ATP7A: variants seen among roughly 807,000 people sequenced by gnomAD.
ATP7A encodes the protein ATPase copper transporting alpha, also known as copper-transporting ATPase 1.
ATP7A carries 7 observed loss-of-function variants against 83.5 expected under a neutral mutation model. That is an observed-to-expected ratio of 0.08 (90% CI 0.05 to 0.16). The LOEUF (loss-of-function observed/expected upper bound fraction) is 0.16. Ranked by LOEUF, ATP7A falls within the 10% of genes least tolerant of loss-of-function variation. The pLI, the probability that ATP7A is intolerant of heterozygous loss-of-function variation, is 1.00. For synonymous variants in ATP7A, 354 were observed against 395.2 expected (o/e 0.90, Z 1.24); for missense variants, 940 against 1,120.8 (o/e 0.84, Z 2.30).
At chrX:77,980,053 T>A (rs782617068) in intron 2 of ATP7A, among the ~76,000 whole-genome samples, 10 of 112,154 alleles carry the variant, frequency 8.9e-5, no homozygotes, top group Non-Finnish European at 1.9e-4. Flanking sequence ...AAAAACAAAT[T>A]TAATTAGATA....
chrX:77,956,784 T>TTTCTTTCTTTCTTTCG (rs1569549170), intron 1 of ATP7A, among the ~76,000 whole-genome samples: 9 of 102,150 alleles, frequency 8.8e-5, no homozygotes, highest in African/African-American at 3.2e-4. Context: ...TCTTTCTTTC[T>TTTCTTTCTTTCTTTCG]TTCTCTTTCT....
Position 78,011,538 on chromosome X carries a change from C to T in ATP7A, c.2036C>T (p.Ala679Val). The T allele has an allele frequency of 8.3e-7, 1 of 1,210,446 alleles. No individual in the cohort carries two copies. Among genetic ancestry groups the T allele is most frequent in the South Asian group, 1.8e-5 (1 of 56,947 alleles). ...IYMMVMDHHFATLHHNQNMSK... is the reference protein window; with the variant it reads ...IYMMVMDHHFVTLHHNQNMSK... ...ATGATGGTTATGGACCACCACTTTGCAACTCTTCACCATAATCAAAACATG... is the reference window on the plus strand; with the variant it reads ...ATGATGGTTATGGACCACCACTTTGTAACTCTTCACCATAATCAAAACATG... The change falls in exon 9 of 23, where the codon GCA becomes GTA. Residue 679 changes from alanine (A) to valine (V), a missense_variant. By Grantham distance (64) the Ala-to-Val change is moderately conservative (BLOSUM62 0). Around this residue, in one of 3 missense-constraint regions of ATP7A, gnomAD observed 204 missense variants for 185.8 expected, o/e 1.10. Coordinates refer to ENST00000341514, the MANE Select transcript of ATP7A (RefSeq NM_000052.7).
intron 9 of ATP7A, among the ~76,000 whole-genome samples, chrX:78,012,573 A>C (rs1343237318): frequency 9.8e-6 from 1 of 102,021 alleles, no homozygotes; most frequent in Non-Finnish European, 2.0e-5. Context: ...CCTGGGCAAC[A>C]TATCAAGACT....
At chrX:78,020,860 A>C (rs1207048281) in intron 13 of ATP7A, 85 bp from the exon 14 acceptor site, 1 of 994,384 alleles carries the variant, frequency 1.0e-6, no homozygotes, top group Admixed American at 2.3e-5. Flanking sequence ...ATTTGTGCTA[A>C]CTACTAAATA....
chrX:78,044,997 G>GA (rs2078074904), intron 21 of ATP7A, among the ~76,000 whole-genome samples: 1 of 112,102 alleles, frequency 8.9e-6, no homozygotes, highest in Non-Finnish European at 1.9e-5. Flanking sequence ...GATCACCATA[G>GA]AAAAAGTAGA....
intron 2 of ATP7A, among the ~76,000 whole-genome samples, chrX:77,985,917 C>G (rs2062750759): frequency 9.0e-6 from 1 of 111,094 alleles, no homozygotes; most frequent in Non-Finnish European, 1.9e-5. Flanking sequence ...TTTTCTTAAC[C>G]CTAAAATCAC....
intron 16 of ATP7A, among the ~76,000 whole-genome samples, chrX:78,033,372 C>T (rs1557237380): frequency 8.9e-6 from 1 of 112,964 alleles, no homozygotes; most frequent in Non-Finnish European, 1.9e-5. Context: ...GCTGGGATTA[C>T]AGGCATGAGC....
chrX:77,992,815 T>C (rs1244096289), intron 4 of ATP7A, among the ~76,000 whole-genome samples: 6 of 111,851 alleles, frequency 5.4e-5, no homozygotes, highest in African/African-American at 2.0e-4. Flanking sequence ...GGTTTCACCA[T>C]GTTGGTCACG....
At chrX:77,959,995 C>A (rs1223206407) in intron 1 of ATP7A, among the ~76,000 whole-genome samples, 2 of 112,314 alleles carry the variant, frequency 1.8e-5, no homozygotes, top group African/African-American at 6.5e-5. Flanking sequence ...TTGGTATTGT[C>A]AGATTTTGAG....
intron 12 of ATP7A, among the ~76,000 whole-genome samples, chrX:78,017,922 C>T (rs1557235335): frequency 1.9e-5 from 2 of 107,224 alleles, no homozygotes; most frequent in Non-Finnish European, 3.9e-5. Flanking sequence ...ACTACAGGCA[C>T]CCGCCACCAC....
At position 77,957,738 on chromosome X, in the gene ATP7A, GT is replaced by G. The variant is rs201251253; in HGVS notation, c.-21-13874del. Among the ~76,000 whole-genome samples the G allele has an allele frequency of 2.7e-3, 288 of 108,556 alleles. 1 individual carries two copies. The highest frequency in any genetic ancestry group is 0.014 in the Middle Eastern group (3 of 208). 94.3% of individuals were successfully genotyped at this position (108,556 alleles called of 115,157 possible). ...CAGTGCTGTAAAGCATTTCCTGCAT[GT>G]TTTTTTTTAGTAGTTTCATAGTTTC... On this transcript the variant is annotated intron_variant, in intron 1 of 22. Transcript: ENST00000341514.
At chrX:77,998,744 TTC>T in intron 5 of ATP7A, 60 bp downstream of exon 5, 1 of 1,087,004 alleles carries the variant, frequency 9.2e-7, no homozygotes. Context: ...ATCTTTTTTG[TTC>T]TCTTACATGT....
intron 17 of ATP7A, among the ~76,000 whole-genome samples, chrX:78,034,942 C>G (rs529790158): frequency 9.1e-6 from 1 of 110,096 alleles, no homozygotes; most frequent in African/African-American, 3.3e-5. Flanking sequence ...TGGGGTTTCA[C>G]CATGTTAGCC....
At position 77,977,573 on chromosome X, in the gene ATP7A, C is replaced by T. The variant is rs182698101; in HGVS notation, c.120+5812C>T. ...TGTTTGCAAATACATTCTTGCTTCC[C>T]AAAACAGCCTGTTTGCATCACACTC... On this transcript the variant is annotated intron_variant, in intron 2 of 22. Transcript: ENST00000341514. 2.0e-3 allele frequency among the ~76,000 whole-genome samples: 228 copies of T among 112,402 alleles called. 2 individuals carry two copies. Among genetic ancestry groups the T allele is most frequent in the Non-Finnish European group, 3.1e-3 (165 of 53,279 alleles).
At chrX:78,042,486 G>A (rs1557238538) in intron 19 of ATP7A, 99 bp from the exon 20 acceptor site, 3 of 851,399 alleles carry the variant, frequency 3.5e-6, no homozygotes, top group Non-Finnish European at 5.2e-6. Flanking sequence ...TTTAAAATGT[G>A]GACATCTTGT....
intron 1 of ATP7A, among the ~76,000 whole-genome samples, chrX:77,924,977 C>A: frequency 8.9e-6 from 1 of 111,934 alleles, no homozygotes; most frequent in Admixed American, 9.5e-5. Flanking sequence ...CAGGCATGAG[C>A]CACTACGCCC....
chrX:78,046,042 C>T (rs1006114652), intron 22 of ATP7A, among the ~76,000 whole-genome samples: 5 of 111,973 alleles, frequency 4.5e-5, no homozygotes, highest in Non-Finnish European at 7.5e-5. Context: ...ATTGTTACTT[C>T]GTGTACTTTA....
intron 1 of ATP7A, among the ~76,000 whole-genome samples, chrX:77,920,246 C>T (rs1379594668): frequency 1.9e-5 from 2 of 106,077 alleles, no homozygotes; most frequent in Non-Finnish European, 3.9e-5. Context: ...GACGGAATCT[C>T]GCTCTGTCGC....
At chrX:77,990,868 T>G (rs894579060) in intron 4 of ATP7A, among the ~76,000 whole-genome samples, 1 of 112,098 alleles carries the variant, frequency 8.9e-6, no homozygotes, top group Admixed American at 9.5e-5. Context: ...ATGAAAGATA[T>G]CAAATAGTAG....
Sources: gnomAD v4.1 joint callset for allele counts (sites outside exome capture counted in the v4.1 genomes callset) on GRCh38, gnomAD v4.1.1 for gene constraint, gnomAD v4.1.1 regional missense constraint, MANE v1.5 for transcripts, NCBI Gene and HGNC (gene_info 2026-07-23, HGNC 2026-07-21) for gene names.